GALNT18: variants seen among roughly 807,000 people sequenced by gnomAD.
GALNT18 encodes the protein polypeptide N-acetylgalactosaminyltransferase 18, also known as GalNAc-transferase 18.
Under a neutral mutation model 69.5 loss-of-function variants are expected in GALNT18, and 44 were observed. The observed-to-expected ratio is 0.63, with a 90% CI of 0.50 to 0.81. GALNT18 has a LOEUF of 0.81. Ranked by LOEUF, GALNT18 falls within the 40% of genes least tolerant of loss-of-function variation. GALNT18 has a pLI of 0.00. For synonymous variants in GALNT18, 364 were observed against 318.2 expected, an observed-to-expected ratio of 1.14 and a Z score of -1.53; for missense variants, 715 against 810.0, an observed-to-expected ratio of 0.88 and a Z score of 1.42.
rs1025204057 is a variant in GALNT18 at position 11,541,015 on chromosome 11, A to T, written c.235+80344T>A. Among the ~76,000 whole-genome samples the T allele has an allele frequency of 3.3e-5, 5 of 152,180 alleles. No homozygotes were observed. The highest frequency in any genetic ancestry group is 1.2e-4 in the African/African-American group (5 of 41,434). ...TGGATACTTCGGAAAACAGAAATAG[A>T]ATTACTTAAAGTGATGCTCCCTTGC... On this transcript the variant is annotated intron_variant, in intron 1 of 10. Transcript: ENST00000227756. The surrounding 1 kb of genome is among the most constrained non-coding windows in gnomAD (Gnocchi z 4.8).
At chr11:11,395,548 G>T (rs1453753559) in intron 3 of GALNT18, among the ~76,000 whole-genome samples, 1 of 152,244 alleles carries the variant, frequency 6.6e-6, no homozygotes, top group African/African-American at 2.4e-5. Context: ...AGGGACCTCA[G>T]GGAGCTTTAG....
Position 11,415,072 on chromosome 11 carries a change from G to A in GALNT18, c.595+17549C>T, listed in dbSNP as rs546362447. 2.6e-5 allele frequency among the ~76,000 whole-genome samples: 4 copies of A among 152,314 alleles called. No homozygotes were observed. The highest frequency in any genetic ancestry group is 2.6e-4 in the Admixed American group (4 of 15,294). On this transcript the variant is annotated intron_variant, in intron 3 of 10. Transcript: ENST00000227756. This position sits in a 1 kb window ranked among gnomAD's most constrained non-coding sequence, Gnocchi z 4.1. ...TGGGGAATGCTCTTGGCAACAAGAG[G>A]CTGCCCAATCTCCTTGCCGCATGGA...
At chr11:11,342,605 G>C (rs938919027) in intron 6 of GALNT18, among the ~76,000 whole-genome samples, 4 of 152,208 alleles carry the variant, frequency 2.6e-5, no homozygotes, top group Non-Finnish European at 5.9e-5. Flanking sequence ...ACTCACTTAA[G>C]CTTGTTTTGC....
intron 3 of GALNT18, among the ~76,000 whole-genome samples, chr11:11,426,236 C>T (rs376060167): frequency 1.3e-5 from 2 of 152,216 alleles, no homozygotes; most frequent in African/African-American, 4.8e-5. Flanking sequence ...CTGCACTCCA[C>T]CCCACATTCA....
intron 9 of GALNT18, among the ~76,000 whole-genome samples, chr11:11,299,818 A>C (rs948798134): frequency 6.6e-6 from 1 of 152,258 alleles, no homozygotes; most frequent in Non-Finnish European, 1.5e-5. Context: ...TTTTCCTTTC[A>C]GTAAACACCC....
chr11:11,465,139 G>A lies in GALNT18; in HGVS notation c.236-16203C>T, dbSNP rs1856128234. On this transcript the variant is annotated intron_variant, in intron 1 of 10. Transcript: ENST00000227756. The surrounding 1 kb of genome is among the most constrained non-coding windows in gnomAD (Gnocchi z 5.7). The stretch of plus-strand genomic sequence containing the variant: ...GAATACAGATCCCACTGGTAACCTG[G>A]GCGAGGTGCCTTGGGATGCCTGAGG... 6.6e-6 allele frequency among the ~76,000 whole-genome samples: 1 copy of A among 152,126 alleles called. No homozygotes were observed. Among genetic ancestry groups the A allele is most frequent in the Admixed American group, 6.6e-5 (1 of 15,266 alleles).
chr11:11,372,476 G>A lies in GALNT18; in HGVS notation c.1092+39C>T, dbSNP rs1850932118. ...CCCCCAGACTCATTCACCCTGGTGG[G>A]AGCTGAGCCGAGCAGTTTGAGTGAG... is the stretch of plus-strand genomic sequence containing the variant. On this transcript the variant is annotated intron_variant, in intron 6 of 10. Transcript: ENST00000227756. The surrounding 1 kb of genome is among the most constrained non-coding windows in gnomAD (Gnocchi z 4.9). 6.6e-7 allele frequency: 1 copy of A among 1,517,104 alleles called. No individual in the cohort carries two copies. The highest frequency in any genetic ancestry group is 9.2e-7 in the Non-Finnish European group (1 of 1,091,654). 94.0% of individuals were successfully genotyped at this position (1,517,104 alleles called of 1,614,324 possible).
At position 11,619,827 on chromosome 11, in the gene GALNT18, A is replaced by G. The variant is rs530551208; in HGVS notation, c.235+1532T>C. Among the ~76,000 whole-genome samples, 1 of 152,364 alleles carries G rather than the reference A, an allele frequency of 6.6e-6. No individual in the cohort carries two copies. Among genetic ancestry groups the G allele is most frequent in the Admixed American group, 6.5e-5 (1 of 15,300 alleles). ...CCACAGATAGGTAAATTGGTTTTCA[A>G]GCCCAGTGCCAGGTTGAGAGGCAGA... On this transcript the variant is annotated intron_variant, in intron 1 of 10. Coordinates refer to ENST00000227756, the MANE Select transcript of GALNT18 (RefSeq NM_198516.3). The surrounding 1 kb of genome is among the most constrained non-coding windows in gnomAD (Gnocchi z 4.9).
chr11:11,310,901 A>G (rs532626839), intron 9 of GALNT18, among the ~76,000 whole-genome samples: 1 of 152,320 alleles, frequency 6.6e-6, no homozygotes, highest in East Asian at 1.9e-4. Context: ...CTTGCAATAG[A>G]CAAGCATTTC....
At position 11,332,289 on chromosome 11, in the gene GALNT18, T is replaced by C. The variant is rs1331308261; in HGVS notation, c.1416+405A>G. Among the ~76,000 whole-genome samples the C allele has an allele frequency of 6.6e-6, 1 of 152,210 alleles. No individual in the cohort carries two copies. The highest frequency in any genetic ancestry group is 2.4e-5 in the African/African-American group (1 of 41,448). ...GAACTCTTCTCAGGGAGGCTCTGCATGCGAGTGGGAGGCATTAGCTCCTTG... is the reference window on the plus strand; with the variant it reads ...GAACTCTTCTCAGGGAGGCTCTGCACGCGAGTGGGAGGCATTAGCTCCTTG... On this transcript the variant is annotated intron_variant, in intron 8 of 10. Transcript: ENST00000227756. The surrounding 1 kb of genome is among the most constrained non-coding windows in gnomAD (Gnocchi z 4.3).
chr11:11,412,926 A>G (rs1467579486), intron 3 of GALNT18, among the ~76,000 whole-genome samples: 2 of 152,154 alleles, frequency 1.3e-5, no homozygotes, highest in African/African-American at 2.4e-5. Context: ...CTCTCAACCA[A>G]TGATGGAAGG....
rs7395405 is a variant in GALNT18 at position 11,435,797 on chromosome 11, G to T, written c.429-3010C>A. On this transcript the variant is annotated intron_variant, in intron 2 of 10. Coordinates refer to ENST00000227756, the MANE Select transcript of GALNT18 (RefSeq NM_198516.3). The surrounding 1 kb of genome is among the most constrained non-coding windows in gnomAD (Gnocchi z 4.4). ...AGGAGAGTCAGGTCCCGGTCCTCCC[G>T]CCGACCAGCAGGCTCCTGTTCTCCC... 4.6e-5 allele frequency among the ~76,000 whole-genome samples: 7 copies of T among 152,308 alleles called. No homozygotes were observed. Among genetic ancestry groups the T allele is most frequent in the South Asian group, 4.1e-4 (2 of 4,824 alleles).
At chr11:11,565,367 G>A (rs1393584668) in intron 1 of GALNT18, among the ~76,000 whole-genome samples, 1 of 152,216 alleles carries the variant, frequency 6.6e-6, no homozygotes, top group Admixed American at 6.5e-5. Context: ...GACTGGCGGT[G>A]GCAGAGGAGC....
At chr11:11,451,297 C>T (rs933426845) in intron 1 of GALNT18, among the ~76,000 whole-genome samples, 2 of 152,090 alleles carry the variant, frequency 1.3e-5, no homozygotes, top group African/African-American at 4.8e-5. Flanking sequence ...ATCAGTGAAC[C>T]AACTGAATCA....
chr11:11,500,823 A>G lies in GALNT18; in HGVS notation c.236-51887T>C, dbSNP rs1856958657. Among the ~76,000 whole-genome samples, 1 of 152,234 alleles carries G rather than the reference A, an allele frequency of 6.6e-6. No individual in the cohort carries two copies. Among genetic ancestry groups the G allele is most frequent in the Non-Finnish European group, 1.5e-5 (1 of 68,042 alleles). On this transcript the variant is annotated intron_variant, in intron 1 of 10. Transcript: ENST00000227756. This position sits in a 1 kb window ranked among gnomAD's most constrained non-coding sequence, Gnocchi z 5.0. ...AATAAAGAAGGTAAAAAGGCCGGGC[A>G]CAGCACCAGGCTCTCCCCAAACCTG...
chr11:11,394,772 G>A (rs1418989387), intron 3 of GALNT18, among the ~76,000 whole-genome samples: 1 of 152,206 alleles, frequency 6.6e-6, no homozygotes, highest in Non-Finnish European at 1.5e-5. Flanking sequence ...GACAGGCGGG[G>A]TCTGGTCCTC....
At chr11:11,301,436 C>G (rs553191101) in intron 9 of GALNT18, among the ~76,000 whole-genome samples, 2 of 152,308 alleles carry the variant, frequency 1.3e-5, no homozygotes, top group South Asian at 4.2e-4. Context: ...CTGAGGGCCA[C>G]AGTGCACTGA....
intron 1 of GALNT18, among the ~76,000 whole-genome samples, chr11:11,512,654 G>A (rs1449747740): frequency 6.6e-6 from 1 of 152,174 alleles, no homozygotes; most frequent in African/African-American, 2.4e-5. Flanking sequence ...TAATTTTAGT[G>A]ACAGGTTCTT....
intron 1 of GALNT18, among the ~76,000 whole-genome samples, chr11:11,516,372 C>T (rs1320855023): frequency 6.6e-6 from 1 of 152,204 alleles, no homozygotes; most frequent in African/African-American, 2.4e-5. Context: ...TGGCTCACAC[C>T]TGTAATCCCA....
Sources: gnomAD v4.1 joint callset for allele counts (sites outside exome capture counted in the v4.1 genomes callset) on GRCh38, gnomAD v4.1.1 for gene constraint, Gnocchi (gnomAD v3.1) non-coding constraint, MANE v1.5 for transcripts, NCBI Gene and HGNC (gene_info 2026-07-23, HGNC 2026-07-21) for gene names.